The following OPRD1 variants were observed in gnomAD, a reference collection of about 807,000 sequenced individuals.
The protein encoded by OPRD1 is opioid receptor delta 1, also known as delta-type opioid receptor.
A neutral mutation model predicts 17.5 loss-of-function variants in OPRD1; 19 were observed. The ratio of observed to expected loss-of-function variants is 1.09; its 90% CI spans 0.76 to 1.60. OPRD1 has a LOEUF of 1.60. OPRD1 is among the 40% of genes most tolerant of loss of function. The pLI is 0.00. For missense variants in OPRD1, 483 were observed against 547.2 expected, an observed-to-expected ratio of 0.88 and a Z score of 1.17; for synonymous variants, 256 against 240.9, an observed-to-expected ratio of 1.06 and a Z score of -0.58.
chr1:28,859,265 G>T lies in OPRD1; in HGVS notation c.539G>T (p.Gly180Val). ...ATCTGGGTCCTGGCCTCAGGCGTTG[G>T]CGTGCCCATCATGGTCATGGCTGTG... ...ICIWVLASGV[G>V]VPIMVMAVTR... Residue 180 changes from glycine (G) to valine (V), a missense_variant, in exon 2 of 3, where the codon GGC becomes GTC. Gly to Val is a moderately radical substitution (Grantham distance 109). Coordinates refer to ENST00000234961, the MANE Select transcript of OPRD1 (RefSeq NM_000911.4). 1.2e-6 allele frequency: 2 copies of T among 1,614,136 alleles called. No individual in the cohort carries two copies. Among genetic ancestry groups the T allele is most frequent in the Middle Eastern group, 3.3e-4 (2 of 6,012 alleles).
Position 28,867,398 on chromosome 1 carries a change from G to C in OPRD1, c.*4115G>C, listed in dbSNP as rs902572123. 6.6e-6 allele frequency: 1 copy of C among 151,984 alleles called. No homozygotes were observed. The highest frequency in any genetic ancestry group is 2.4e-5 in the African/African-American group (1 of 41,378). The allele number at this position is 151,984 out of a possible 1,614,324, so 9.4% of individuals were successfully genotyped here. ...TATTTTTATTTTTAGTAGAGACGGG[G>C]TTTCACCATTTGGCCAAACTGGTCT... On this transcript the variant is annotated 3_prime_UTR_variant, in exon 3 of 3. Coordinates refer to ENST00000234961, the MANE Select transcript of OPRD1 (RefSeq NM_000911.4).
chr1:28,852,164 T>TAAAAAAAAAAAAA (rs71030305), intron 1 of OPRD1, among the ~76,000 whole-genome samples: 26 of 86,686 alleles, frequency 3.0e-4, no homozygotes, highest in Admixed American at 4.2e-4. Context: ...AAACTCCATG[T>TAAAAAAAAAAAAA]AAAAAAAAAA....
chr1:28,841,905 G>T (rs1237100703), intron 1 of OPRD1, among the ~76,000 whole-genome samples: 27 of 147,832 alleles, frequency 1.8e-4, no homozygotes, highest in African/African-American at 5.0e-4. Flanking sequence ...TGTATTTTTA[G>T]TGGAGATGGG....
chr1:28,852,415 G>A (rs912878408), intron 1 of OPRD1, among the ~76,000 whole-genome samples: 3 of 152,164 alleles, frequency 2.0e-5, no homozygotes, highest in African/African-American at 7.2e-5. Flanking sequence ...ACTAAAAAAT[G>A]TAATTATAGT....
chr1:28,861,088 G>A (rs899221789), intron 2 of OPRD1, among the ~76,000 whole-genome samples: 16 of 152,258 alleles, frequency 1.1e-4, no homozygotes, highest in South Asian at 2.1e-4. Flanking sequence ...AACAAGTGCT[G>A]TTCTGGTTCC....
intron 1 of OPRD1, among the ~76,000 whole-genome samples, chr1:28,831,456 CTGAGATCGTGCCA>C (rs2088808135): frequency 2.6e-5 from 4 of 151,136 alleles, no homozygotes; most frequent in Non-Finnish European, 5.9e-5. Flanking sequence ...TTGCAGTGAG[CTGAGATCGTGCCA>C]CTGCACTCCA....
At position 28,862,661 on chromosome 1, in the gene OPRD1, A is replaced by G. The variant is rs74065129; in HGVS notation, c.578-81A>G. On this transcript the variant is annotated intron_variant, in intron 2 of 2. Coordinates refer to ENST00000234961, the MANE Select transcript of OPRD1 (RefSeq NM_000911.4). Reference sequence around the variant, plus strand: ...GGTGGTGGGACTTGCCCAAGCCTTGAAAGGGTGGGCAAGCAGGTGGGGGCC... The same window carrying G: ...GGTGGTGGGACTTGCCCAAGCCTTGGAAGGGTGGGCAAGCAGGTGGGGGCC... The G allele has an allele frequency of 5.1e-3, 7,020 of 1,389,172 alleles. 205 individuals are homozygous for G. The African/African-American group carries it at 0.074, about 15-fold the overall frequency. The allele number at this position is 1,389,172 out of a possible 1,614,324, so 86.1% of individuals were successfully genotyped here.
At chr1:28,820,119 T>C (rs1004244234) in intron 1 of OPRD1, among the ~76,000 whole-genome samples, 1 of 152,062 alleles carries the variant, frequency 6.6e-6, no homozygotes, top group Non-Finnish European at 1.5e-5. Flanking sequence ...TCTGTAATTA[T>C]GACTATTTAG....
At chr1:28,855,440 G>T (rs1024516520) in intron 1 of OPRD1, among the ~76,000 whole-genome samples, 3 of 152,150 alleles carry the variant, frequency 2.0e-5, no homozygotes, top group Admixed American at 6.5e-5. Context: ...AGAACAGAGA[G>T]AATTTTGGGA....
rs748887748 is a variant in OPRD1, at chr1:28,862,874, T to C, written c.710T>C (p.Leu237Pro). 2 of 1,612,584 alleles carry C rather than the reference T, an allele frequency of 1.2e-6. No individual in the cohort carries two copies. Among genetic ancestry groups the C allele is most frequent in the South Asian group, 2.2e-5 (2 of 91,092 alleles). Residue 237 changes from leucine (L) to proline (P), a missense_variant, in exon 3 of 3, where the codon CTG becomes CCG. Leu to Pro is a moderately conservative substitution (Grantham distance 98). Coordinates refer to ENST00000234961, the MANE Select transcript of OPRD1 (RefSeq NM_000911.4). ...LIITVCYGLM[L>P]LRLRSVRLLS... ...ATCACCGTGTGCTATGGCCTCATGC[T>C]GCTGCGCCTGCGCAGTGTGCGCCTG...
At chr1:28,835,660 A>G (rs897395257) in intron 1 of OPRD1, among the ~76,000 whole-genome samples, 5 of 152,192 alleles carry the variant, frequency 3.3e-5, no homozygotes, top group African/African-American at 1.2e-4. Context: ...GCTTCATTGA[A>G]GCTATTTGTT....
intron 1 of OPRD1, among the ~76,000 whole-genome samples, chr1:28,855,599 C>T (rs1199891380): frequency 2.0e-5 from 3 of 152,114 alleles, no homozygotes; most frequent in Admixed American, 2.0e-4. Context: ...CCCTACCTGG[C>T]GGGCAATCAG....
In OPRD1 at chr1:28,864,288, G is replaced by C. The variant is rs2089153685; in HGVS notation, c.*1005G>C. ...CAAAAAGGAGAGAGAGGGAGAATGAGGGAAGAAGAGATAGGAAGAGAGAGA... is the reference window on the plus strand; with the variant it reads ...CAAAAAGGAGAGAGAGGGAGAATGACGGAAGAAGAGATAGGAAGAGAGAGA... On this transcript the variant is annotated 3_prime_UTR_variant, in exon 3 of 3. Transcript: ENST00000234961. 1 of 152,278 alleles carries C rather than the reference G, an allele frequency of 6.6e-6. No homozygotes were observed. Among genetic ancestry groups the C allele is most frequent in the African/African-American group, 2.4e-5 (1 of 41,416 alleles). 9.4% of individuals were successfully genotyped at this position (152,278 alleles called of 1,614,324 possible).
At chr1:28,825,470 C>G (rs939109560) in intron 1 of OPRD1, among the ~76,000 whole-genome samples, 2 of 152,140 alleles carry the variant, frequency 1.3e-5, no homozygotes, top group Non-Finnish European at 2.9e-5. Flanking sequence ...ACTGCAACCT[C>G]CACCTCCCGG....
chr1:28,837,968 T>C (rs966703078), intron 1 of OPRD1, among the ~76,000 whole-genome samples: 26 of 151,376 alleles, frequency 1.7e-4, no homozygotes, highest in African/African-American at 6.3e-4. Flanking sequence ...GGGCACACTA[T>C]TGAATTCAGT....
intron 1 of OPRD1, among the ~76,000 whole-genome samples, chr1:28,842,794 G>A (rs1163755325): frequency 6.6e-6 from 1 of 152,160 alleles, no homozygotes; most frequent in Non-Finnish European, 1.5e-5. Context: ...CAGGCCAGGT[G>A]TAGTGGCTCA....
chr1:28,845,685 T>C (rs538191114), intron 1 of OPRD1, among the ~76,000 whole-genome samples: 1 of 152,310 alleles, frequency 6.6e-6, no homozygotes, highest in Non-Finnish European at 1.5e-5. Context: ...CTATATTTTC[T>C]TCTAGGAGTT....
intron 1 of OPRD1, among the ~76,000 whole-genome samples, chr1:28,828,989 CAA>C (rs149592402): frequency 1.7e-3 from 236 of 137,320 alleles, no homozygotes; most frequent in Admixed American, 2.7e-3. Context: ...GACTCTGTCT[CAA>C]AAAAAAAAAA....
intron 1 of OPRD1, among the ~76,000 whole-genome samples, chr1:28,831,438 G>A (rs1486870462): frequency 1.3e-5 from 2 of 151,790 alleles, no homozygotes; most frequent in Admixed American, 6.6e-5. Flanking sequence ...GAACTTGGGA[G>A]GTGGAGGTTG....
Sources: gnomAD v4.1 joint callset for allele counts (sites outside exome capture counted in the v4.1 genomes callset) on GRCh38, gnomAD v4.1.1 for gene constraint, MANE v1.5 for transcripts, NCBI Gene and HGNC (gene_info 2026-07-23, HGNC 2026-07-21) for gene names.